The following MSRA variants were observed in gnomAD, a reference collection of about 807,000 sequenced individuals.
MSRA encodes mitochondrial peptide methionine sulfoxide reductase.
Under a neutral mutation model 31.3 loss-of-function variants are expected in MSRA, and 54 were observed. The ratio of observed to expected loss-of-function variants is 1.73; its 90% CI spans 1.39 to 2.17. The LOEUF is 2.17. Ranked by LOEUF, MSRA falls within the 30% of genes most tolerant of loss-of-function variation. MSRA has a pLI of 0.00. For synonymous variants in MSRA, 169 were observed against 116.5 expected (o/e 1.45, Z -2.90); for missense variants, 507 against 300.9 (o/e 1.69, Z -5.07).
chr8:10,312,970 T>C (rs1801514391), intron 4 of MSRA, among the ~76,000 whole-genome samples: 1 of 152,202 alleles, frequency 6.6e-6, no homozygotes, highest in Non-Finnish European at 1.5e-5. Context: ...GAGAATGCCA[T>C]TGCAATTTCT....
chr8:10,225,139 G>C (rs1366117186), intron 2 of MSRA, among the ~76,000 whole-genome samples: 2 of 152,104 alleles, frequency 1.3e-5, no homozygotes, highest in Non-Finnish European at 2.9e-5. Flanking sequence ...TCCATCTCAA[G>C]AATAAATAAA....
Position 10,157,616 on chromosome 8 carries a change from T to C in MSRA, c.143-50217T>C, listed in dbSNP as rs551467971. Among the ~76,000 whole-genome samples, 79 of 152,080 alleles carry C rather than the reference T, an allele frequency of 5.2e-4. 3 individuals carry two copies. The South Asian group carries it at 0.016, about 32-fold the overall frequency. ...AAGGGGCAATGAAAGTTCTCATAGG[T>C]TTTTTACACTCTAAAATAATAATAA... is the stretch of plus-strand genomic sequence containing the variant. On this transcript the variant is annotated intron_variant, in intron 1 of 5. Coordinates refer to ENST00000317173, the MANE Select transcript of MSRA (RefSeq NM_012331.5).
intron 1 of MSRA, among the ~76,000 whole-genome samples, chr8:10,182,365 C>T (rs925418820): frequency 3.3e-5 from 5 of 152,184 alleles, no homozygotes; most frequent in African/African-American, 1.2e-4. Context: ...CTTAAAACAA[C>T]ACACATCTAT....
At chr8:10,265,021 A>G (rs1798673459) in intron 3 of MSRA, among the ~76,000 whole-genome samples, 1 of 152,188 alleles carries the variant, frequency 6.6e-6, no homozygotes, top group Non-Finnish European at 1.5e-5. Context: ...AGGTCACAAC[A>G]GACTGAGGTA....
chr8:10,286,728 C>G (rs1226184343), intron 3 of MSRA, among the ~76,000 whole-genome samples: 1 of 152,244 alleles, frequency 6.6e-6, no homozygotes, highest in Non-Finnish European at 1.5e-5. Flanking sequence ...TATCACATGT[C>G]TTTGGATGTC....
chr8:10,408,729 C>A (rs976818806), intron 5 of MSRA, among the ~76,000 whole-genome samples: 2 of 150,172 alleles, frequency 1.3e-5, no homozygotes, highest in Admixed American at 1.3e-4. Context: ...TCTCATCCCT[C>A]ACTCCCCCAC....
chr8:10,337,683 AC>A (rs1803141269), intron 5 of MSRA: 1 of 701,538 alleles, frequency 1.4e-6, no homozygotes, highest in African/African-American at 1.8e-5. Flanking sequence ...TTCATCTTGA[AC>A]CTTATACTCC....
intron 1 of MSRA, among the ~76,000 whole-genome samples, chr8:10,138,675 T>A (rs541911130): frequency 6.6e-6 from 1 of 152,340 alleles, no homozygotes; most frequent in South Asian, 2.1e-4. Context: ...ACACATTTAT[T>A]TTTTTCTTCC....
intron 1 of MSRA, among the ~76,000 whole-genome samples, chr8:10,175,004 C>A (rs1805919540): frequency 6.6e-6 from 1 of 152,164 alleles, no homozygotes; most frequent in Admixed American, 6.5e-5. Flanking sequence ...ATTCCTATAG[C>A]CCCTGACGTT....
chr8:10,395,567 G>C (rs1386578709), intron 5 of MSRA, among the ~76,000 whole-genome samples: 2 of 152,172 alleles, frequency 1.3e-5, no homozygotes, highest in Non-Finnish European at 2.9e-5. Flanking sequence ...ACTGATGTTC[G>C]AGGAGTTTGA....
chr8:10,414,217 A>G (rs1166564824), intron 5 of MSRA, among the ~76,000 whole-genome samples: 1 of 152,140 alleles, frequency 6.6e-6, no homozygotes, highest in African/African-American at 2.4e-5. Flanking sequence ...ATATAAAATG[A>G]TTATCTGGGG....
intron 1 of MSRA, among the ~76,000 whole-genome samples, chr8:10,132,799 G>A (rs981346300): frequency 4.6e-5 from 7 of 152,310 alleles, no homozygotes; most frequent in South Asian, 2.1e-4. Flanking sequence ...CAGTTTACCC[G>A]GAGTCATAAA....
chr8:10,115,610 G>A (rs1800618966), intron 1 of MSRA, among the ~76,000 whole-genome samples: 1 of 152,246 alleles, frequency 6.6e-6, no homozygotes, highest in Non-Finnish European at 1.5e-5. Flanking sequence ...GATGGAGAGA[G>A]TGGTCAGAAC....
intron 1 of MSRA, among the ~76,000 whole-genome samples, chr8:10,062,121 C>A (rs1298353357): frequency 2.6e-5 from 4 of 152,154 alleles, no homozygotes; most frequent in Non-Finnish European, 4.4e-5. Context: ...TCAGCAAGGA[C>A]CAGAGTGGAA....
At chr8:10,291,961 G>A (rs1413717632) in intron 3 of MSRA, among the ~76,000 whole-genome samples, 2 of 152,170 alleles carry the variant, frequency 1.3e-5, no homozygotes, top group East Asian at 1.9e-4. Flanking sequence ...ATTAGTCACC[G>A]TGGAATCCTC....
At chr8:10,276,287 G>A (rs987886843) in intron 3 of MSRA, among the ~76,000 whole-genome samples, 6 of 152,198 alleles carry the variant, frequency 3.9e-5, no homozygotes, top group African/African-American at 1.4e-4. Flanking sequence ...ACGCCACCCA[G>A]CGAGAGTTGG....
intron 5 of MSRA, among the ~76,000 whole-genome samples, chr8:10,409,085 G>C (rs1297523579): frequency 6.6e-6 from 1 of 152,246 alleles, no homozygotes. Flanking sequence ...CAGATGCCCA[G>C]CAGTGGGATT....
At chr8:10,312,685 G>C (rs776221804) in intron 4 of MSRA, among the ~76,000 whole-genome samples, 2 of 152,170 alleles carry the variant, frequency 1.3e-5, no homozygotes, top group Non-Finnish European at 2.9e-5. Context: ...TAGTATATAA[G>C]AAAATAATAC....
At chr8:10,197,553 C>A (rs1808100364) in intron 1 of MSRA, among the ~76,000 whole-genome samples, 1 of 152,120 alleles carries the variant, frequency 6.6e-6, no homozygotes, top group Admixed American at 6.5e-5. Context: ...GTCTGTATCA[C>A]CACCAGTAAG....
Sources: allele counts gnomAD v4.1 joint callset (sites outside exome capture counted in the v4.1 genomes callset), GRCh38; gene constraint gnomAD v4.1.1; transcripts MANE v1.5; gene names NCBI Gene and HGNC (gene_info 2026-07-23, HGNC 2026-07-21).